LAMA2: variants seen among roughly 807,000 people sequenced by gnomAD.
LAMA2 encodes laminin subunit alpha 2, also known as laminin subunit alpha-2.
LAMA2 carries 269 observed loss-of-function variants against 364.8 expected under a neutral mutation model. That is an observed-to-expected ratio of 0.74 (90% CI 0.67 to 0.82). The LOEUF is 0.82. Among genes scored for constraint, LAMA2 ranks in the 40% least tolerant of loss-of-function variants. The probability of loss-of-function intolerance (pLI) is 0.00; values close to 1 mark genes in which losing one functional copy is unlikely to be tolerated. For synonymous variants in LAMA2, 1,379 were observed against 1,370.6 expected (o/e 1.01, Z -0.14); for missense variants, 3,807 against 3,873.2 (o/e 0.98, Z 0.45).
rs140680416 is a variant in LAMA2, at chr6:129,464,348, G to A, written c.7051G>A (p.Val2351Ile). Reference sequence around the variant, plus strand: ...ATTTGATGGAGAAGGTTATGCATTGGTCAGCCGTCCCATTCGCTGGTACCC... The same window carrying A: ...ATTTGATGGAGAAGGTTATGCATTGATCAGCCGTCCCATTCGCTGGTACCC... ...IQFDGEGYAL[V>I]SRPIRWYPNI... The change falls in exon 50 of 65, where the codon GTC (valine) becomes ATC (isoleucine). Residue 2351 changes from valine (V) to isoleucine (I), a missense_variant. By Grantham distance (29) the Val-to-Ile change is conservative (BLOSUM62 3). Transcript: ENST00000421865. 3 of 1,611,954 alleles carry A rather than the reference G, an allele frequency of 1.9e-6. No homozygotes were observed. In the African/African-American group the frequency reaches 4.0e-5, roughly 22 times the overall value.
intron 28 of LAMA2, among the ~76,000 whole-genome samples, chr6:129,327,395 T>G (rs1396997622): frequency 6.6e-6 from 1 of 150,798 alleles, no homozygotes; most frequent in Non-Finnish European, 1.5e-5. Context: ...GGGCATAAGA[T>G]TTTTAAGTGA....
chr6:129,044,052 G>A (rs1189859648), intron 1 of LAMA2, among the ~76,000 whole-genome samples: 1 of 151,998 alleles, frequency 6.6e-6, no homozygotes, highest in East Asian at 1.9e-4. Flanking sequence ...GTAAAACTGT[G>A]GGTTTCTATT....
chr6:129,395,517 A>G (rs1779565847), intron 37 of LAMA2, among the ~76,000 whole-genome samples: 1 of 152,204 alleles, frequency 6.6e-6, no homozygotes, highest in Admixed American at 6.5e-5. Flanking sequence ...AGAAACTCTG[A>G]GAATGGGGCC....
chr6:129,087,070 G>T (rs1562226555), intron 3 of LAMA2, among the ~76,000 whole-genome samples: 2 of 152,060 alleles, frequency 1.3e-5, no homozygotes, highest in East Asian at 3.8e-4. Flanking sequence ...GATTATCCAG[G>T]GTGATCCTTT....
At chr6:129,095,479 G>T (rs753546521) in intron 3 of LAMA2, among the ~76,000 whole-genome samples, 1 of 152,056 alleles carries the variant, frequency 6.6e-6, no homozygotes, top group Non-Finnish European at 1.5e-5. Context: ...TCTAAGAAAC[G>T]TTTTTATATT....
At chr6:129,012,393 A>C (rs1316726760) in intron 1 of LAMA2, among the ~76,000 whole-genome samples, 1 of 152,124 alleles carries the variant, frequency 6.6e-6, no homozygotes, top group Non-Finnish European at 1.5e-5. Context: ...TACTGTCATC[A>C]CCTTTGTTTC....
At chr6:129,413,684 AAC>A (rs1388989869) in intron 40 of LAMA2, among the ~76,000 whole-genome samples, 1 of 152,202 alleles carries the variant, frequency 6.6e-6, no homozygotes, top group African/African-American at 2.4e-5. Context: ...TTGAGAAAAA[AAC>A]ACAGTTTAAA....
At chr6:129,335,087 T>G (rs1282729327) in intron 29 of LAMA2, among the ~76,000 whole-genome samples, 1 of 152,094 alleles carries the variant, frequency 6.6e-6, no homozygotes. Context: ...GTAGAAAGCT[T>G]TATAGACTAA....
At position 129,503,105 on chromosome 6, in the gene LAMA2, T is replaced by G. The variant is rs1179378819; in HGVS notation, c.8372T>G (p.Leu2791Trp). 2 of 1,614,168 alleles carry G rather than the reference T, an allele frequency of 1.2e-6. No individual in the cohort carries two copies. The highest frequency in any genetic ancestry group is 1.7e-6 in the Non-Finnish European group (2 of 1,179,978). Residue 2791 changes from leucine to tryptophan, a missense_variant, in exon 60 of 65, where the codon TTG (leucine) becomes TGG (tryptophan). Physicochemically the swap from Leu to Trp is moderately conservative, Grantham distance 61 (BLOSUM62 -2). This residue lies in a region of LAMA2 where 3,333 missense variants were observed against 3,345.7 expected (regional missense o/e 1.00). Transcript: ENST00000421865. ...TTGTTTCACAGTCTCACAATTGAGT[T>G]GGAAGTAAGAACCGAAGCTGAATCC... ...TKVKNRLTIE[L>W]EVRTEAESGL... is the part of the protein sequence containing the mutation.
At chr6:129,390,440 TC>T (rs2114669853) in intron 35 of LAMA2, among the ~76,000 whole-genome samples, 2 of 152,066 alleles carry the variant, frequency 1.3e-5, no homozygotes, top group African/African-American at 4.8e-5. Context: ...CAAAACTCTC[TC>T]CAAGAATAGA....
intron 20 of LAMA2, among the ~76,000 whole-genome samples, chr6:129,294,019 G>A (rs1176376867): frequency 3.9e-5 from 6 of 152,158 alleles, no homozygotes; most frequent in Non-Finnish European, 8.8e-5. Flanking sequence ...ACTCCAAGAA[G>A]CAAATGCCAA....
chr6:129,424,704 A>G (rs572545561), intron 40 of LAMA2, among the ~76,000 whole-genome samples: 1 of 152,208 alleles, frequency 6.6e-6, no homozygotes, highest in African/African-American at 2.4e-5. Flanking sequence ...AAGACAGGTT[A>G]TACCAAGTAT....
intron 1 of LAMA2, among the ~76,000 whole-genome samples, chr6:129,039,674 A>T (rs1305388435): frequency 2.0e-5 from 3 of 152,166 alleles, no homozygotes. Flanking sequence ...ATTGACAGGG[A>T]TAGGGGTGGA....
chr6:129,073,344 T>C (rs1039644708), intron 3 of LAMA2, among the ~76,000 whole-genome samples: 1 of 152,176 alleles, frequency 6.6e-6, no homozygotes, highest in Non-Finnish European at 1.5e-5. Flanking sequence ...ACAATGTACT[T>C]AGGAATGATT....
At chr6:129,161,108 C>G (rs1004916011) in intron 8 of LAMA2, among the ~76,000 whole-genome samples, 1 of 151,880 alleles carries the variant, frequency 6.6e-6, no homozygotes, top group Non-Finnish European at 1.5e-5. Flanking sequence ...ATTTTTATAT[C>G]TTATAAATTA....
chr6:129,367,184 G>A (rs1211534828), intron 33 of LAMA2, among the ~76,000 whole-genome samples: 1 of 152,172 alleles, frequency 6.6e-6, no homozygotes. Context: ...AACGAGGTAG[G>A]AGAAAACATT....
At chr6:129,045,341 G>A (rs1787401770) in intron 1 of LAMA2, among the ~76,000 whole-genome samples, 1 of 152,128 alleles carries the variant, frequency 6.6e-6, no homozygotes, top group Admixed American at 6.5e-5. Context: ...CATGGTGAGG[G>A]ATAAGTTATT....
At chr6:129,332,883 ATTTTTTTTTTTTT>A (rs10590805) in intron 29 of LAMA2, among the ~76,000 whole-genome samples, 2 of 104,388 alleles carry the variant, frequency 1.9e-5, no homozygotes, top group African/African-American at 8.4e-5. Context: ...TAAGTTTACC[ATTTTTTTTTTTTT>A]TTTTTTTTTT....
intron 1 of LAMA2, among the ~76,000 whole-genome samples, chr6:128,901,079 C>T (rs1288739075): frequency 6.6e-6 from 1 of 152,222 alleles, no homozygotes; most frequent in Non-Finnish European, 1.5e-5. Flanking sequence ...ATTACTTGAA[C>T]CCGGGAGGTC....
Sources: allele counts gnomAD v4.1 joint callset (sites outside exome capture counted in the v4.1 genomes callset), GRCh38; gene constraint gnomAD v4.1.1; regional missense constraint gnomAD v4.1.1; transcripts MANE v1.5; gene names NCBI Gene and HGNC (gene_info 2026-07-23, HGNC 2026-07-21).